DBET: variants seen among roughly 807,000 people sequenced by gnomAD.
The protein encoded by DBET is D4Z4 binding element transcript, also known as D4Z4 binding element transcript (non-protein coding).
exon 1 of DBET, chr4:190,064,773 G>A (rs1740569056): frequency 7.5e-6 from 1 of 133,008 alleles, no homozygotes; most frequent in Non-Finnish European, 1.6e-5. Flanking sequence ...ATAAACTGCA[G>A]TGGACAGGCT....
At chr4:190,065,020 C>A (rs2126452552) in exon 1 of DBET, 1 of 421,096 alleles carries the variant, frequency 2.4e-6, no homozygotes, top group East Asian at 3.6e-5. Flanking sequence ...TTCTCTCCCT[C>A]CCAGAATCTT....
At chr4:190,064,732 C>A (rs797038687) in exon 1 of DBET, 1 of 125,758 alleles carries the variant, frequency 8.0e-6, no homozygotes, top group South Asian at 2.2e-4. Flanking sequence ...GGCATTTTCT[C>A]ATTAGCCCAG....
rs375052689 is a variant in DBET at position 190,064,957 on chromosome 4, G to C, written n.456G>C. On this transcript the variant is annotated non_coding_transcript_exon_variant, in exon 1 of 1. Coordinates refer to ENST00000630918, the Ensembl canonical transcript of DBET. Reference sequence around the variant, plus strand: ...TACTTCTATTTTCCTTGCTGTAACAGAGGAACATTTCCTGTCTTATGCTTA... The same window carrying C: ...TACTTCTATTTTCCTTGCTGTAACACAGGAACATTTCCTGTCTTATGCTTA... 480 of 299,082 alleles carry C rather than the reference G, an allele frequency of 1.6e-3. 46 individuals carry two copies. Among genetic ancestry groups the C allele is most frequent in the South Asian group, 5.4e-3 (85 of 15,884 alleles). 18.5% of individuals were successfully genotyped at this position (299,082 alleles called of 1,614,324 possible).
rs1471910700 is a variant in DBET, at chr4:190,064,837, A to G, written n.336A>G. The G allele has an allele frequency of 1.4e-5, 2 of 139,572 alleles. 1 individual carries two copies. Among genetic ancestry groups the G allele is most frequent in the Non-Finnish European group, 3.0e-5 (2 of 66,542 alleles). The allele number at this position is 139,572 out of a possible 1,614,324, so 8.6% of individuals were successfully genotyped here. On this transcript the variant is annotated non_coding_transcript_exon_variant, in exon 1 of 1. Transcript: ENST00000630918. ...CCAATGAAAAAAAAATTTACAAGAG[A>G]AAAACAAAAAACCCTATTAAACGTC...
At chr4:190,064,567 G>C (rs1740563395) in exon 1 of DBET, 1 of 139,300 alleles carries the variant, frequency 7.2e-6, no homozygotes, top group African/African-American at 3.1e-5. Flanking sequence ...CTTCTCAGCA[G>C]ACACAAACTG....
exon 1 of DBET, chr4:190,064,950 T>A: frequency 7.0e-6 from 2 of 285,638 alleles, no homozygotes; most frequent in East Asian, 9.5e-5. Context: ...TTTTCCTTGC[T>A]GTAACAGAGG....
exon 1 of DBET, chr4:190,064,591 T>A (rs1410587162): frequency 7.2e-6 from 1 of 139,234 alleles, no homozygotes; most frequent in Admixed American, 7.0e-5. Context: ...TCTATATGAC[T>A]CCATCATGTC....
At chr4:190,065,009 T>C (rs2126452513) in exon 1 of DBET, 2 of 411,428 alleles carry the variant, frequency 4.9e-6, no homozygotes, top group East Asian at 3.6e-5. Context: ...CCTAAGGCTT[T>C]TTCTCTCCCT....
At chr4:190,064,958 A>T in exon 1 of DBET, 1 of 300,242 alleles carries the variant, frequency 3.3e-6, no homozygotes, top group Non-Finnish European at 6.1e-6. Context: ...GCTGTAACAG[A>T]GGAACATTTC....
chr4:190,065,328 C>G (rs1392400122), exon 1 of DBET: 1 of 372,472 alleles, frequency 2.7e-6, no homozygotes, highest in East Asian at 3.7e-5. Context: ...GAGGGGATCT[C>G]CCAACCTGCC....
At chr4:190,065,169 T>C in exon 1 of DBET, 2 of 503,624 alleles carry the variant, frequency 4.0e-6, no homozygotes, top group East Asian at 3.3e-5. Context: ...CCATTATTTA[T>C]AAATCTATTG....
At chr4:190,064,616 A>T (rs1284168493) in exon 1 of DBET, 1 of 138,308 alleles carries the variant, frequency 7.2e-6, no homozygotes, top group Non-Finnish European at 1.5e-5. Flanking sequence ...AGCACTCCAC[A>T]TCAGGAGAGA....
Position 190,065,121 on chromosome 4 carries a change from G to A in DBET, n.620G>A, listed in dbSNP as rs1162815866. On this transcript the variant is annotated non_coding_transcript_exon_variant, in exon 1 of 1. Coordinates refer to ENST00000630918, the Ensembl canonical transcript of DBET. The stretch of plus-strand genomic sequence containing the variant: ...AGTTTGGCATTGCTTTTGGGGATCT[G>A]GGAAAATCTGTGCACACTTCTGGAG... The A allele has an allele frequency of 1.5e-5, 7 of 463,710 alleles. 2 individuals are homozygous for A. The highest frequency in any genetic ancestry group is 3.8e-6 in the Non-Finnish European group (1 of 263,122). The allele number at this position is 463,710 out of a possible 1,614,324, so 28.7% of individuals were successfully genotyped here. A position where few individuals can be genotyped will look rare whatever the true frequency, so the allele number is the denominator to read the frequency against.
At chr4:190,065,013 T>C (rs1740578470) in exon 1 of DBET, 3 of 415,162 alleles carry the variant, frequency 7.2e-6, no homozygotes, top group Non-Finnish European at 1.3e-5. Flanking sequence ...AGGCTTTTTC[T>C]CTCCCTCCCA....
chr4:190,067,645 C>CCA lies in DBET; in HGVS notation n.3145_3146insAC. The stretch of plus-strand genomic sequence containing the variant: ...CCACCGCCACCACGCCCTCCCCCCC[C>CCA]CCCCCCCCCCCCCACCACCACCACC... On this transcript the variant is annotated non_coding_transcript_exon_variant, in exon 1 of 1. Transcript: ENST00000630918. 66 of 124,698 alleles carry CCA rather than the reference C, an allele frequency of 5.3e-4. 1 individual carries two copies. Among genetic ancestry groups the CCA allele is most frequent in the South Asian group, 2.2e-3 (20 of 9,030 alleles). 7.7% of individuals were successfully genotyped at this position (124,698 alleles called of 1,614,324 possible). A position where few individuals can be genotyped will look rare whatever the true frequency, so the allele number is the denominator to read the frequency against.
exon 1 of DBET, chr4:190,064,795 T>A (rs2126451920): frequency 7.5e-6 from 1 of 134,212 alleles, no homozygotes. Context: ...TAAGCCAGAC[T>A]TCATCAAATT....
chr4:190,065,098 T>C (rs1282173974), exon 1 of DBET: 2 of 463,938 alleles, frequency 4.3e-6, no homozygotes, highest in Non-Finnish European at 7.6e-6. Context: ...ATCTGACTAG[T>C]TTGGCATTGC....
rs538254556 is a variant in DBET at position 190,065,150 on chromosome 4, C to T, written n.649C>T. 23 of 491,272 alleles carry T rather than the reference C, an allele frequency of 4.7e-5. 4 individuals carry two copies. In the Middle Eastern group the frequency reaches 1.5e-3, roughly 32 times the overall value. The allele number at this position is 491,272 out of a possible 1,614,324, so 30.4% of individuals were successfully genotyped here. ...AAATCTGTGCACACTTCTGGAGACC[C>T]TTGTCATGCCATTATTTATAAATCT... On this transcript the variant is annotated non_coding_transcript_exon_variant, in exon 1 of 1. Coordinates refer to ENST00000630918, the Ensembl canonical transcript of DBET.
At chr4:190,067,659 A>AACCCCC in exon 1 of DBET, 3 of 59,606 alleles carry the variant, frequency 5.0e-5, no homozygotes, top group Non-Finnish European at 1.2e-4. Context: ...CCCCCCCCCC[A>AACCCCC]CCACCACCAC....
Sources: gnomAD v4.1 joint callset for allele counts on GRCh38, gnomAD v4.1.1 for gene constraint, MANE v1.5 for transcripts, NCBI Gene and HGNC (gene_info 2026-07-23, HGNC 2026-07-21) for gene names.